The following RYR3 variants were observed in gnomAD, a reference collection of about 807,000 sequenced individuals.
RYR3 encodes brain ryanodine receptor-calcium release channel.
Under a neutral mutation model 584.3 loss-of-function variants are expected in RYR3, and 207 were observed. The observed-to-expected ratio is 0.35, with a 90% confidence interval of 0.32 to 0.40. The LOEUF is 0.40. Ranked by LOEUF, RYR3 falls within the 10% of genes least tolerant of loss-of-function variation. RYR3 has a pLI of 1.00. For missense variants in RYR3, 5,616 were observed against 6,089.2 expected (o/e 0.92, Z 2.59); for synonymous variants, 2,416 against 2,248.5 (o/e 1.07, Z -2.11).
intron 65 of RYR3, among the ~76,000 whole-genome samples, chr15:33,782,862 T>C (rs546430735): frequency 7.2e-5 from 11 of 152,334 alleles, no homozygotes; most frequent in African/African-American, 2.6e-4. Context: ...CTAGAAAAAG[T>C]TTAATACTGT....
chr15:33,487,871 T>C (rs1469524055), intron 2 of RYR3, among the ~76,000 whole-genome samples: 3 of 152,236 alleles, frequency 2.0e-5, no homozygotes, highest in Admixed American at 2.0e-4. Flanking sequence ...ACTGTTTTCT[T>C]TCAGGAAATT....
intron 68 of RYR3, 22 bp from the exon 69 acceptor site, chr15:33,801,847 G>T (rs35048413): frequency 0.42 from 536,337 of 1,287,946 alleles, 113,417 homozygotes; most frequent in South Asian, 0.47. Context: ...AATGTTTGCT[G>T]TTTCAATTCT....
intron 9 of RYR3, among the ~76,000 whole-genome samples, chr15:33,549,301 T>C (rs530626364): frequency 6.6e-6 from 1 of 152,322 alleles, no homozygotes; most frequent in South Asian, 2.1e-4. Context: ...GCTTGCTCAT[T>C]TCCCCAGAGA....
At position 33,322,698 on chromosome 15, in the gene RYR3, T is replaced by C. The variant is rs77591436; in HGVS notation, c.51+11602T>C. Among the ~76,000 whole-genome samples the C allele has an allele frequency of 6.0e-3, 910 of 152,252 alleles. 12 individuals carry two copies. Among genetic ancestry groups the C allele is most frequent in the African/African-American group, 0.021 (865 of 41,572 alleles). On this transcript the variant is annotated intron_variant, in intron 1 of 103. Transcript: ENST00000634891. ...AATTCACATAAATGACTACAATCTA[T>C]GTAAGTTTTGTCTATCCAGAACAAC...
At chr15:33,742,600 G>GTGGA (rs1448445412) in intron 52 of RYR3, among the ~76,000 whole-genome samples, 156 bp downstream of exon 52, 2 of 152,212 alleles carry the variant, frequency 1.3e-5, no homozygotes, top group African/African-American at 2.4e-5. Context: ...CCCAGGGTTG[G>GTGGA]TGGAGGTCAA....
At chr15:33,623,557 TG>T (rs1226698481) in intron 19 of RYR3, among the ~76,000 whole-genome samples, 1 of 152,190 alleles carries the variant, frequency 6.6e-6, no homozygotes, top group Non-Finnish European at 1.5e-5. Context: ...AAAAACCTAG[TG>T]GTTTATGTAT....
At chr15:33,854,153 G>A (rs958777202) in intron 96 of RYR3, among the ~76,000 whole-genome samples, 17 of 147,348 alleles carry the variant, frequency 1.2e-4, no homozygotes, top group African/African-American at 4.0e-4. Flanking sequence ...CCAAGATCAC[G>A]CCACTACACT....
At chr15:33,810,721 G>A (rs2076481358) in intron 71 of RYR3, 72 bp downstream of exon 71, 3 of 1,584,314 alleles carry the variant, frequency 1.9e-6, no homozygotes, top group Non-Finnish European at 2.6e-6. Context: ...GCCCCTGAAG[G>A]GTTAGTCCTC....
chr15:33,426,932 T>A (rs1323000621), intron 1 of RYR3, among the ~76,000 whole-genome samples: 1 of 152,148 alleles, frequency 6.6e-6, no homozygotes, highest in Non-Finnish European at 1.5e-5. Flanking sequence ...GGTCTTTCTG[T>A]CTACTTATAA....
At chr15:33,355,171 T>C (rs1403808642) in intron 1 of RYR3, among the ~76,000 whole-genome samples, 3 of 115,646 alleles carry the variant, frequency 2.6e-5, no homozygotes, top group Non-Finnish European at 5.1e-5. Flanking sequence ...GGGACAAGAG[T>C]GAAACTCCCT....
In RYR3 at chr15:33,853,828, G is replaced by T. The variant is rs184587642; in HGVS notation, c.13799+146G>T. On this transcript the variant is annotated intron_variant, in intron 96 of 103. Coordinates refer to ENST00000634891, the MANE Select transcript of RYR3 (RefSeq NM_001036.6). ...TCTTCTAGGTTCTAACACTGGGAGAGCACTGCCTTAAAAATTTGAAGACTA... is the reference window on the plus strand; with the variant it reads ...TCTTCTAGGTTCTAACACTGGGAGATCACTGCCTTAAAAATTTGAAGACTA... 575 of 984,424 alleles carry T rather than the reference G, an allele frequency of 5.8e-4. 4 individuals are homozygous for T. Among genetic ancestry groups the T allele is most frequent in the South Asian group, 4.1e-3 (207 of 49,998 alleles). The allele number at this position is 984,424 out of a possible 1,614,324, so 61.0% of individuals were successfully genotyped here. A position where few individuals can be genotyped will look rare whatever the true frequency, so the allele number is the denominator to read the frequency against.
intron 1 of RYR3, among the ~76,000 whole-genome samples, chr15:33,410,301 G>C (rs2141474821): frequency 6.6e-6 from 1 of 152,260 alleles, no homozygotes; most frequent in South Asian, 2.1e-4. Flanking sequence ...TTTGATTCTT[G>C]AGAACACTTG....
At chr15:33,554,992 G>C (rs910931375) in intron 10 of RYR3, among the ~76,000 whole-genome samples, 1 of 152,172 alleles carries the variant, frequency 6.6e-6, no homozygotes, top group Admixed American at 6.5e-5. Context: ...CATACATCTT[G>C]AATGATTGGG....
At chr15:33,428,912 C>T (rs2044880763) in intron 1 of RYR3, among the ~76,000 whole-genome samples, 1 of 152,162 alleles carries the variant, frequency 6.6e-6, no homozygotes, top group Non-Finnish European at 1.5e-5. Context: ...GTGACTTGAA[C>T]ATCGTATGAC....
At chr15:33,478,582 A>G (rs1321929669) in intron 2 of RYR3, among the ~76,000 whole-genome samples, 5 of 152,324 alleles carry the variant, frequency 3.3e-5, no homozygotes, top group Non-Finnish European at 7.3e-5. Context: ...TGACTTACAT[A>G]CAGGTTGTAT....
chr15:33,675,817 C>T (rs1468433038), intron 38 of RYR3, among the ~76,000 whole-genome samples: 1 of 152,102 alleles, frequency 6.6e-6, no homozygotes, highest in Non-Finnish European at 1.5e-5. Flanking sequence ...TTTAGCAAGA[C>T]AATAGTCTTT....
At chr15:33,687,045 T>C (rs537849802) in intron 38 of RYR3, among the ~76,000 whole-genome samples, 29 of 152,284 alleles carry the variant, frequency 1.9e-4, no homozygotes, top group African/African-American at 6.7e-4. Flanking sequence ...CTATTCAACA[T>C]AGTGTTAGAA....
At chr15:33,686,235 A>G (rs1163011982) in intron 38 of RYR3, among the ~76,000 whole-genome samples, 1 of 152,206 alleles carries the variant, frequency 6.6e-6, no homozygotes, top group Non-Finnish European at 1.5e-5. Context: ...AAAATCGTAA[A>G]GGGGATGATA....
Position 33,662,737 on chromosome 15 carries a change from G to A in RYR3, c.5207G>A (p.Gly1736Asp), listed in dbSNP as rs2063239812. The change falls in exon 35 of 104, where the codon GGC becomes GAC. Residue 1736 changes from glycine (G) to aspartate (D), a missense_variant. Gly to Asp is a moderately conservative substitution (Grantham distance 94, BLOSUM62 -1). Around this residue, in one of 9 missense-constraint regions of RYR3, gnomAD observed 753 missense variants for 741.0 expected, o/e 1.02. Coordinates refer to ENST00000634891, the MANE Select transcript of RYR3 (RefSeq NM_001036.6). ...CTCATTGGAACCCTGCTGGTCATGG[G>A]CGTGTTTGATGATGATGATGTTCGG... is the stretch of plus-strand genomic sequence containing the variant. Reference protein sequence around the residue: ...LKLIGTLLVMGVFDDDDVRQI... With the variant: ...LKLIGTLLVMDVFDDDDVRQI... 1 of 1,614,170 alleles carries A rather than the reference G, an allele frequency of 6.2e-7. No individual in the cohort carries two copies. The highest frequency in any genetic ancestry group is 8.5e-7 in the Non-Finnish European group (1 of 1,180,018).
Sources: allele counts gnomAD v4.1 joint callset (sites outside exome capture counted in the v4.1 genomes callset), GRCh38; gene constraint gnomAD v4.1.1; regional missense constraint gnomAD v4.1.1; transcripts MANE v1.5; gene names NCBI Gene and HGNC (gene_info 2026-07-23, HGNC 2026-07-21).